The following CNTNAP2 variants were observed in gnomAD, a reference collection of about 807,000 sequenced individuals.
CNTNAP2 encodes contactin associated protein 2.
CNTNAP2 carries 98 observed loss-of-function variants against 155.2 expected under a neutral mutation model. The ratio of observed to expected loss-of-function variants is 0.63; its 90% confidence interval spans 0.54 to 0.75. The LOEUF (loss-of-function observed/expected upper bound fraction) is 0.75. Ranked by LOEUF, CNTNAP2 falls within the 30% of genes least tolerant of loss-of-function variation. CNTNAP2 has a pLI of 0.00. For missense variants in CNTNAP2, 1,727 were observed against 1,688.1 expected, an observed-to-expected ratio of 1.02 and a Z score of -0.40; for synonymous variants, 651 against 631.2, an observed-to-expected ratio of 1.03 and a Z score of -0.47.
intron 12 of CNTNAP2, among the ~76,000 whole-genome samples, chr7:147,621,411 TAAAA>T (rs1037609072): frequency 1.3e-5 from 2 of 151,860 alleles, no homozygotes; most frequent in African/African-American, 4.8e-5. Flanking sequence ...CAATAAAAAA[TAAAA>T]AGTACAACAA....
At position 146,644,345 on chromosome 7, in the gene CNTNAP2, T is replaced by A. The variant is rs533110871; in HGVS notation, c.98-129926T>A. ...ATATGTCCCATCAATACCTAATTTATGGAGAGTTTTTAGCATGAAGGGTTG... is the reference window on the plus strand; with the variant it reads ...ATATGTCCCATCAATACCTAATTTAAGGAGAGTTTTTAGCATGAAGGGTTG... On this transcript the variant is annotated intron_variant, in intron 1 of 23. Transcript: ENST00000361727. 3.9e-5 allele frequency among the ~76,000 whole-genome samples: 6 copies of A among 152,290 alleles called. No homozygotes were observed. The South Asian group carries it at 1.2e-3, about 32-fold the overall frequency.
intron 1 of CNTNAP2, among the ~76,000 whole-genome samples, chr7:146,256,993 G>C (rs6974660): frequency 0.027 from 4,114 of 152,210 alleles, 212 homozygotes; most frequent in African/African-American, 0.094. Flanking sequence ...TATCCACAAT[G>C]TTTCAAAGCA....
intron 15 of CNTNAP2, among the ~76,000 whole-genome samples, chr7:148,111,552 AAAAT>A (rs1041478034): frequency 2.6e-5 from 4 of 151,972 alleles, no homozygotes; most frequent in African/African-American, 7.3e-5. Context: ...AAAAAAATCT[AAAAT>A]AAATAGGTGT....
intron 4 of CNTNAP2, among the ~76,000 whole-genome samples, chr7:147,076,917 A>G (rs1800011117): frequency 6.6e-6 from 1 of 152,144 alleles, no homozygotes; most frequent in African/African-American, 2.4e-5. Context: ...CTTTTAATGG[A>G]CGTTGCTACA....
chr7:146,671,948 TG>T (rs1398784944), intron 1 of CNTNAP2, among the ~76,000 whole-genome samples: 1 of 151,996 alleles, frequency 6.6e-6, no homozygotes, highest in African/African-American at 2.4e-5. Context: ...CCCGAGTAGT[TG>T]GGATTACAGG....
At chr7:147,757,604 G>T (rs1584940447) in intron 13 of CNTNAP2, among the ~76,000 whole-genome samples, 1 of 151,988 alleles carries the variant, frequency 6.6e-6, no homozygotes, top group East Asian at 1.9e-4. Context: ...ATCATGAATT[G>T]TTGTTTTTGT....
chr7:146,191,699 A>G (rs1323355385), intron 1 of CNTNAP2, among the ~76,000 whole-genome samples: 1 of 152,128 alleles, frequency 6.6e-6, no homozygotes, highest in Non-Finnish European at 1.5e-5. Context: ...CCTTGCTGAG[A>G]AAAAGAATTC....
chr7:146,309,381 G>A (rs140392299), intron 1 of CNTNAP2, among the ~76,000 whole-genome samples: 24 of 152,236 alleles, frequency 1.6e-4, no homozygotes, highest in Non-Finnish European at 2.5e-4. Flanking sequence ...GCAGCACAGA[G>A]GTGCATTTTC....
rs577182002 is a variant in CNTNAP2 at position 147,484,787 on chromosome 7, A to G, written c.1671-1148A>G. Among the ~76,000 whole-genome samples, 8 of 152,330 alleles carry G rather than the reference A, an allele frequency of 5.3e-5. No homozygotes were observed. The East Asian group carries it at 1.2e-3, about 22-fold the overall frequency. On this transcript the variant is annotated intron_variant, in intron 10 of 23. Coordinates refer to ENST00000361727, the MANE Select transcript of CNTNAP2 (RefSeq NM_014141.6). Reference sequence around the variant, plus strand: ...TTTTGTAGCAGGGAGCTGCTAGGGCATTATGATAAAGGGGTGGCTCTTTAT... The same window carrying G: ...TTTTGTAGCAGGGAGCTGCTAGGGCGTTATGATAAAGGGGTGGCTCTTTAT...
intron 13 of CNTNAP2, among the ~76,000 whole-genome samples, chr7:147,881,612 A>G (rs1254149197): frequency 6.6e-6 from 1 of 152,160 alleles, no homozygotes; most frequent in East Asian, 1.9e-4. Flanking sequence ...TTGTAAGAAA[A>G]TGCACCTCTC....
intron 20 of CNTNAP2, among the ~76,000 whole-genome samples, chr7:148,236,263 C>T (rs962701833): frequency 6.6e-6 from 1 of 152,088 alleles, no homozygotes; most frequent in African/African-American, 2.4e-5. Context: ...TACTTTGGGG[C>T]CAGTGGACAC....
At chr7:146,299,493 C>T (rs1800570048) in intron 1 of CNTNAP2, among the ~76,000 whole-genome samples, 1 of 152,082 alleles carries the variant, frequency 6.6e-6, no homozygotes, top group Non-Finnish European at 1.5e-5. Context: ...AAGTAATCCT[C>T]CCATTTCAGC....
At chr7:147,500,776 GAGA>G (rs1216074125) in intron 11 of CNTNAP2, among the ~76,000 whole-genome samples, 5 of 152,176 alleles carry the variant, frequency 3.3e-5, no homozygotes, top group East Asian at 3.9e-4. Flanking sequence ...CTCAATAAGA[GAGA>G]AGAACTTTAT....
intron 13 of CNTNAP2, among the ~76,000 whole-genome samples, chr7:147,866,338 A>C (rs1424634215): frequency 6.6e-6 from 1 of 152,102 alleles, no homozygotes; most frequent in Non-Finnish European, 1.5e-5. Context: ...TTTACTTCCA[A>C]TTTTGTGGTC....
Position 146,933,033 on chromosome 7 carries a change from A to G in CNTNAP2, c.402+93129A>G, listed in dbSNP as rs28876127. On this transcript the variant is annotated intron_variant, in intron 3 of 23. Coordinates refer to ENST00000361727, the MANE Select transcript of CNTNAP2 (RefSeq NM_014141.6). Reference sequence around the variant, plus strand: ...CTGCCCAAGGTAATTTATAGATTCAATGCCATCCCCATCAAGCTATCAATG... The same window carrying G: ...CTGCCCAAGGTAATTTATAGATTCAGTGCCATCCCCATCAAGCTATCAATG... Among the ~76,000 whole-genome samples the G allele has an allele frequency of 2.2e-3, 330 of 152,290 alleles. 4 individuals carry two copies. The highest frequency in any genetic ancestry group is 7.6e-3 in the African/African-American group (315 of 41,540).
At chr7:146,535,459 G>A (rs1016442863) in intron 1 of CNTNAP2, among the ~76,000 whole-genome samples, 1 of 117,954 alleles carries the variant, frequency 8.5e-6, no homozygotes, top group African/African-American at 3.7e-5. Context: ...AGGTTTTCAC[G>A]ACAGGCATGA....
At chr7:147,931,981 G>A (rs1800514057) in intron 14 of CNTNAP2, among the ~76,000 whole-genome samples, 1 of 152,044 alleles carries the variant, frequency 6.6e-6, no homozygotes, top group Non-Finnish European at 1.5e-5. Context: ...CGCCTCCCGT[G>A]CTCAGGCGAT....
At chr7:148,133,142 G>A (rs1173372156) in intron 16 of CNTNAP2, among the ~76,000 whole-genome samples, 1 of 151,888 alleles carries the variant, frequency 6.6e-6, no homozygotes, top group Non-Finnish European at 1.5e-5. Flanking sequence ...TAAAACCCTA[G>A]GTTTCTGCAG....
chr7:146,515,337 G>A (rs1253667330), intron 1 of CNTNAP2, among the ~76,000 whole-genome samples: 5 of 152,192 alleles, frequency 3.3e-5, no homozygotes, highest in South Asian at 4.1e-4. Context: ...TTTCCAGTGA[G>A]ACACATATGT....
Sources: allele counts gnomAD v4.1 joint callset (sites outside exome capture counted in the v4.1 genomes callset), GRCh38; gene constraint gnomAD v4.1.1; transcripts MANE v1.5; gene names NCBI Gene and HGNC (gene_info 2026-07-23, HGNC 2026-07-21).